LYST: variants seen among roughly 807,000 people sequenced by gnomAD.
LYST encodes the protein lysosomal trafficking regulator.
In LYST, 192 loss-of-function variants were observed where a neutral mutation model predicts 413.6. The observed-to-expected ratio is 0.46, with a 90% CI of 0.41 to 0.52. The LOEUF (loss-of-function observed/expected upper bound fraction) is 0.52. LYST is among the 20% of genes least tolerant of loss of function. The pLI, the probability that LYST is intolerant of heterozygous loss-of-function variation, is 0.00. For synonymous variants in LYST, 1,525 were observed against 1,567.3 expected (o/e 0.97, Z 0.64); for missense variants, 3,815 against 4,499.9 (o/e 0.85, Z 4.35).
chr1:235,755,363 T>C (rs931943928), intron 25 of LYST, 115 bp downstream of exon 25: 3 of 1,005,506 alleles, frequency 3.0e-6, no homozygotes, highest in Admixed American at 1.8e-5. Context: ...CACTCCAGCC[T>C]GGGCAACAGG....
chr1:235,671,519 T>C (rs1658941850), intron 50 of LYST, among the ~76,000 whole-genome samples: 1 of 152,158 alleles, frequency 6.6e-6, no homozygotes, highest in African/African-American at 2.4e-5. Context: ...GTTAATACTT[T>C]AGATAAGATG....
rs13374850 is a variant in LYST, at chr1:235,697,004, T to C, written c.10564+79A>G. The C allele has an allele frequency of 5.0e-3, 6,922 of 1,377,660 alleles. 261 individuals are homozygous for C. In the African/African-American group the frequency reaches 0.083, roughly 17 times the overall value. The allele number at this position is 1,377,660 out of a possible 1,614,324, so 85.3% of individuals were successfully genotyped here. A position where few individuals can be genotyped will look rare whatever the true frequency, so the allele number is the denominator to read the frequency against. On this transcript the variant is annotated intron_variant, in intron 46 of 52. Transcript: ENST00000389793. Reference sequence around the variant, plus strand: ...GAGTTTTTCCACCAAGGACTCAAAGTAGCAGCACAGATGAGCTAGAAATAC... The same window carrying C: ...GAGTTTTTCCACCAAGGACTCAAAGCAGCAGCACAGATGAGCTAGAAATAC...
chr1:235,681,183 GT>G, intron 48 of LYST, among the ~76,000 whole-genome samples: 1 of 152,296 alleles, frequency 6.6e-6, no homozygotes, highest in African/African-American at 2.4e-5. Flanking sequence ...ATGAACTGAA[GT>G]TTTGAAGAAC....
intron 1 of LYST, among the ~76,000 whole-genome samples, chr1:235,846,463 C>T (rs999073254): frequency 5.3e-5 from 8 of 152,092 alleles, no homozygotes; most frequent in Non-Finnish European, 8.8e-5. Flanking sequence ...CAAAACAAGG[C>T]TCTTCAACAC....
Position 235,773,588 on chromosome 1 carries a change from C to T in LYST, c.5784+254G>A, listed in dbSNP as rs73126575. 1.5e-3 allele frequency among the ~76,000 whole-genome samples: 228 copies of T among 152,170 alleles called. 2 individuals carry two copies. Among genetic ancestry groups the T allele is most frequent in the African/African-American group, 5.2e-3 (218 of 41,534 alleles). On this transcript the variant is annotated intron_variant, in intron 19 of 52. Coordinates refer to ENST00000389793, the MANE Select transcript of LYST (RefSeq NM_000081.4). ...TATACGATCCTACTTATATGAGATCCTTAGATTAGTCAAAAGTAGAATGGT... is the reference window on the plus strand; with the variant it reads ...TATACGATCCTACTTATATGAGATCTTTAGATTAGTCAAAAGTAGAATGGT...
At position 235,733,886 on chromosome 1, in the gene LYST, A is replaced by G. The variant is rs748605237; in HGVS notation, c.8556T>C (p.Thr2852=). 1.1e-5 allele frequency: 18 copies of G among 1,584,448 alleles called. 1 individual carries two copies. The South Asian group carries it at 2.0e-4, about 18-fold the overall frequency. Residue 2852 remains threonine (T), a synonymous_variant, in exon 33 of 53, where the codon ACT becomes ACC. Transcript: ENST00000389793. ...MIKEEQKKYE[T]EEGVNKAAWQ... is the part of the protein sequence containing the mutation. ...AAGCAGCTTTATTCACTCCTTCTTC[A>G]GTTTCATATTTCTTTTGTTCCTAGA...
intron 50 of LYST, among the ~76,000 whole-genome samples, chr1:235,668,436 A>G (rs946339145): frequency 6.6e-6 from 1 of 152,206 alleles, no homozygotes. Flanking sequence ...TTATATATGT[A>G]TCAAGAGACC....
Position 235,669,239 on chromosome 1 carries a change from A to G in LYST, c.11039-4618T>C, listed in dbSNP as rs532292729. On this transcript the variant is annotated intron_variant, in intron 50 of 52. Coordinates refer to ENST00000389793, the MANE Select transcript of LYST (RefSeq NM_000081.4). ...ATCAACCACATGATTGAGGACTGAA[A>G]CTTCCAGATACCCCCCAACTCTCAT... Among the ~76,000 whole-genome samples, 3 of 152,356 alleles carry G rather than the reference A, an allele frequency of 2.0e-5. No homozygotes were observed. In the South Asian group the frequency reaches 6.2e-4, roughly 32 times the overall value.
chr1:235,799,941 T>A, intron 10 of LYST, among the ~76,000 whole-genome samples: 1 of 77,128 alleles, frequency 1.3e-5, no homozygotes, highest in South Asian at 5.1e-4. Context: ...TTTTTTTTTT[T>A]TTTTTTTTTT....
chr1:235,667,532 T>TAATA (rs1304433979), intron 50 of LYST, among the ~76,000 whole-genome samples: 1 of 152,174 alleles, frequency 6.6e-6, no homozygotes, highest in Admixed American at 6.5e-5. Context: ...CACAGGCACA[T>TAATA]AATATAGTTG....
At chr1:235,753,668 G>A (rs545498009) in intron 25 of LYST, among the ~76,000 whole-genome samples, 1 of 152,152 alleles carries the variant, frequency 6.6e-6, no homozygotes. Flanking sequence ...TCTAGCAAAA[G>A]GGAATGATTC....
intron 33 of LYST, 55 bp from the exon 34 acceptor site, chr1:235,733,746 G>T: frequency 6.6e-7 from 1 of 1,523,284 alleles, no homozygotes; most frequent in Non-Finnish European, 9.1e-7. Flanking sequence ...GTATTTATCA[G>T]AACATGATAC....
intron 31 of LYST, chr1:235,734,936 C>CTA (rs1572101561): frequency 8.3e-6 from 2 of 242,194 alleles, no homozygotes; most frequent in East Asian, 1.8e-4. Context: ...ATCATAATTT[C>CTA]TATATATATG....
intron 29 of LYST, among the ~76,000 whole-genome samples, chr1:235,745,166 A>T (rs531666386): frequency 6.6e-6 from 1 of 152,316 alleles, no homozygotes; most frequent in South Asian, 2.1e-4. Flanking sequence ...TTGTCAAATA[A>T]TCACCATAAT....
intron 3 of LYST, among the ~76,000 whole-genome samples, chr1:235,818,468 T>C (rs977910963): frequency 6.6e-6 from 1 of 152,198 alleles, no homozygotes; most frequent in African/African-American, 2.4e-5. Flanking sequence ...ACTGCATGAA[T>C]GACTTTAAAT....
intron 48 of LYST, among the ~76,000 whole-genome samples, chr1:235,681,670 G>T (rs901783144): frequency 6.6e-6 from 1 of 152,144 alleles, no homozygotes; most frequent in African/African-American, 2.4e-5. Context: ...ATCCTGCCAA[G>T]AATTGCTGTG....
rs569369262 is a variant in LYST at position 235,823,710 on chromosome 1, C to T, written c.192+6516G>A. Among the ~76,000 whole-genome samples, 8 of 152,318 alleles carry T rather than the reference C, an allele frequency of 5.3e-5. No individual in the cohort carries two copies. In the East Asian group the frequency reaches 1.5e-3, roughly 29 times the overall value. Reference sequence around the variant, plus strand: ...AATGTGCTGTGTTTTCTCTAGCCCCCGTGTTTTTTCATGTGCAATTCTTCT... The same window carrying T: ...AATGTGCTGTGTTTTCTCTAGCCCCTGTGTTTTTTCATGTGCAATTCTTCT... On this transcript the variant is annotated intron_variant, in intron 3 of 52. Transcript: ENST00000389793.
At chr1:235,684,821 G>T (rs1373220694) in intron 48 of LYST, among the ~76,000 whole-genome samples, 1 of 151,806 alleles carries the variant, frequency 6.6e-6, no homozygotes, top group Non-Finnish European at 1.5e-5. Flanking sequence ...TAGAAATAAG[G>T]TCTTGCTATG....
chr1:235,776,627 T>C (rs1264160645), intron 17 of LYST, among the ~76,000 whole-genome samples: 2 of 152,058 alleles, frequency 1.3e-5, no homozygotes, highest in East Asian at 1.9e-4. Flanking sequence ...ATGGTACTTA[T>C]GGCCTGAGTC....
Sources: gnomAD v4.1 joint callset for allele counts (sites outside exome capture counted in the v4.1 genomes callset) on GRCh38, gnomAD v4.1.1 for gene constraint, MANE v1.5 for transcripts, NCBI Gene and HGNC (gene_info 2026-07-23, HGNC 2026-07-21) for gene names.